The following VEPH1 variants were observed in gnomAD, a reference collection of about 807,000 sequenced individuals.
The protein encoded by VEPH1 is ventricular zone expressed PH domain containing 1.
In VEPH1, 80 loss-of-function variants were observed where a neutral mutation model predicts 85.2. The observed-to-expected ratio is 0.94, with a 90% CI of 0.78 to 1.13. VEPH1 has a LOEUF of 1.13. Ranked by LOEUF, VEPH1 falls within the 50% of genes most tolerant of loss-of-function variation. VEPH1 has a pLI of 0.00. For synonymous variants in VEPH1, 297 were observed against 348.0 expected (o/e 0.85, Z 1.63); for missense variants, 955 against 980.5 (o/e 0.97, Z 0.35).
intron 12 of VEPH1, among the ~76,000 whole-genome samples, chr3:157,272,053 G>T (rs1447994251): frequency 6.6e-6 from 1 of 151,840 alleles, no homozygotes; most frequent in African/African-American, 2.4e-5. Flanking sequence ...GCCCTTTGCA[G>T]ATTTTTTAAG....
At chr3:157,496,785 A>G (rs1219542559) in intron 1 of VEPH1, among the ~76,000 whole-genome samples, 1 of 152,226 alleles carries the variant, frequency 6.6e-6, no homozygotes, top group Non-Finnish European at 1.5e-5. Context: ...CTTTCATTAC[A>G]CACTCAACTA....
At chr3:157,360,965 C>A (rs1459251286) in intron 9 of VEPH1, among the ~76,000 whole-genome samples, 4 of 152,174 alleles carry the variant, frequency 2.6e-5, no homozygotes, top group African/African-American at 9.7e-5. Flanking sequence ...AAACTCATTG[C>A]ATAGTAAACC....
intron 6 of VEPH1, among the ~76,000 whole-genome samples, chr3:157,404,098 C>T (rs1489223457): frequency 6.6e-6 from 1 of 152,112 alleles, no homozygotes; most frequent in Admixed American, 6.6e-5. Context: ...TTTTCCTGAC[C>T]TCCTCAAACA....
intron 6 of VEPH1, among the ~76,000 whole-genome samples, chr3:157,387,160 G>A (rs1729394293): frequency 6.6e-6 from 1 of 152,100 alleles, no homozygotes; most frequent in South Asian, 2.1e-4. Flanking sequence ...TTATATGTTT[G>A]CAAAATTGCA....
chr3:157,295,961 AAAT>A (rs1284420884), intron 11 of VEPH1, among the ~76,000 whole-genome samples: 5 of 152,152 alleles, frequency 3.3e-5, no homozygotes, highest in Admixed American at 2.6e-4. Context: ...TCTCAAAAAA[AAAT>A]AAATAAATAA....
At chr3:157,320,196 A>G (rs1054474945) in intron 9 of VEPH1, among the ~76,000 whole-genome samples, 4 of 152,174 alleles carry the variant, frequency 2.6e-5, no homozygotes, top group African/African-American at 9.7e-5. Flanking sequence ...AGAAGCTTGC[A>G]GCCAAATGGG....
chr3:157,486,277 C>T (rs1042195157), intron 2 of VEPH1, among the ~76,000 whole-genome samples: 5 of 151,886 alleles, frequency 3.3e-5, no homozygotes, highest in Non-Finnish European at 2.9e-5. Flanking sequence ...GCGGGTGGAT[C>T]ACGAGGTCAG....
chr3:157,428,344 G>A lies in VEPH1; in HGVS notation c.674C>T (p.Ala225Val), dbSNP rs1452942041. 1 of 1,613,854 alleles carries A rather than the reference G, an allele frequency of 6.2e-7. No homozygotes were observed. The highest frequency in any genetic ancestry group is 1.7e-5 in the Admixed American group (1 of 59,964). The stretch of plus-strand genomic sequence containing the variant: ...TACCTCGAGTTGTTTTTTCTTTGCT[G>A]CTACATGCAAAAGCCGTAGTAGATG... ...QYHLLRLLHV[A>V]AKKKQLEVVQ... Residue 225 changes from alanine to valine, a missense_variant, in exon 5 of 14, where the codon GCA becomes GTA. Physicochemically the swap from Ala to Val is moderately conservative, Grantham distance 64 (BLOSUM62 0). Coordinates refer to ENST00000362010, the MANE Select transcript of VEPH1 (RefSeq NM_001167912.2).
intron 5 of VEPH1, among the ~76,000 whole-genome samples, chr3:157,419,855 A>G (rs1427351104): frequency 2.0e-5 from 3 of 152,208 alleles, no homozygotes; most frequent in Non-Finnish European, 4.4e-5. Flanking sequence ...TCATTCTATT[A>G]TAAAGATACT....
chr3:157,453,421 G>A (rs1011066597), intron 4 of VEPH1, among the ~76,000 whole-genome samples: 14 of 152,136 alleles, frequency 9.2e-5, no homozygotes, highest in South Asian at 4.1e-4. Flanking sequence ...TGAGGTTCTC[G>A]TGGGCATTGA....
intron 12 of VEPH1, among the ~76,000 whole-genome samples, chr3:157,268,580 A>G (rs994073406): frequency 2.0e-5 from 3 of 152,234 alleles, no homozygotes; most frequent in African/African-American, 7.2e-5. Context: ...CCTCTAAATT[A>G]CAATTTTCTA....
intron 6 of VEPH1, among the ~76,000 whole-genome samples, chr3:157,406,426 G>A (rs1011447980): frequency 6.6e-6 from 1 of 152,122 alleles, no homozygotes; most frequent in Non-Finnish European, 1.5e-5. Context: ...AGCTGCCTTT[G>A]TCATTCTTTT....
At chr3:157,334,971 C>G (rs1722827346) in intron 9 of VEPH1, among the ~76,000 whole-genome samples, 1 of 152,152 alleles carries the variant, frequency 6.6e-6, no homozygotes, top group Non-Finnish European at 1.5e-5. Flanking sequence ...ATTCGCCTTT[C>G]TATTTTCTCA....
chr3:157,300,701 T>A lies in VEPH1; in HGVS notation c.2010+12920A>T, dbSNP rs188710433. 1.1e-3 allele frequency among the ~76,000 whole-genome samples: 161 copies of A among 152,294 alleles called. 1 individual carries two copies. Among genetic ancestry groups the A allele is most frequent in the African/African-American group, 3.8e-3 (157 of 41,566 alleles). ...ACAAGTGTATTACAATGAAAATAAA[T>A]GTTTCTTAATAGTAAATAGAACTGT... On this transcript the variant is annotated intron_variant, in intron 11 of 13. Transcript: ENST00000362010.
chr3:157,352,751 C>T (rs1725002712), intron 9 of VEPH1, among the ~76,000 whole-genome samples: 1 of 152,170 alleles, frequency 6.6e-6, no homozygotes, highest in Admixed American at 6.5e-5. Context: ...GCCAGCTCTG[C>T]CATAAGACAC....
rs535668133 is a variant in VEPH1, at chr3:157,439,485, A to G, written c.530-10997T>C. Reference sequence around the variant, plus strand: ...TAATCAGAAAAACCTATTAGTTAAAAGCCATTTCATAAGAGAGTTTCTGAC... The same window carrying G: ...TAATCAGAAAAACCTATTAGTTAAAGGCCATTTCATAAGAGAGTTTCTGAC... On this transcript the variant is annotated intron_variant, in intron 4 of 13. Transcript: ENST00000362010. Among the ~76,000 whole-genome samples, 5 of 152,332 alleles carry G rather than the reference A, an allele frequency of 3.3e-5. No homozygotes were observed. The South Asian group carries it at 1.0e-3, about 32-fold the overall frequency.
chr3:157,409,415 T>C (rs1577587396), intron 6 of VEPH1, among the ~76,000 whole-genome samples: 1 of 152,140 alleles, frequency 6.6e-6, no homozygotes, highest in East Asian at 1.9e-4. Flanking sequence ...CAACAATTGA[T>C]CGGTTCTCCC....
intron 7 of VEPH1, among the ~76,000 whole-genome samples, chr3:157,380,287 A>G (rs1265324771): frequency 6.6e-6 from 1 of 152,086 alleles, no homozygotes. Flanking sequence ...CATCCTCTGC[A>G]CTGGGGCCAG....
chr3:157,349,586 TCAA>T (rs1289164976), intron 9 of VEPH1, among the ~76,000 whole-genome samples: 5 of 152,138 alleles, frequency 3.3e-5, no homozygotes, highest in Admixed American at 6.6e-5. Flanking sequence ...AAGGAGGAAG[TCAA>T]ATAGTCCTCT....
Sources: gnomAD v4.1 joint callset for allele counts (sites outside exome capture counted in the v4.1 genomes callset) on GRCh38, gnomAD v4.1.1 for gene constraint, MANE v1.5 for transcripts, NCBI Gene and HGNC (gene_info 2026-07-23, HGNC 2026-07-21) for gene names.